Variants in BTBD9 observed in about 807,000 individuals in gnomAD.
BTBD9 encodes the protein BTB domain containing 9.
In BTBD9, 49 loss-of-function variants were observed where a neutral mutation model predicts 64.3. That is an observed-to-expected ratio of 0.76 (90% CI 0.61 to 0.97). The LOEUF (loss-of-function observed/expected upper bound fraction) is 0.97. Ranked by LOEUF, BTBD9 falls within the 50% of genes least tolerant of loss-of-function variation. The pLI is 0.00. For synonymous variants in BTBD9, 260 were observed against 274.7 expected (o/e 0.95, Z 0.53); for missense variants, 598 against 762.1 (o/e 0.78, Z 2.53).
intron 10 of BTBD9, among the ~76,000 whole-genome samples, chr6:38,180,201 CG>C (rs751843824): frequency 1.3e-5 from 2 of 152,086 alleles, no homozygotes; most frequent in Non-Finnish European, 2.9e-5. Flanking sequence ...AATGGGCATT[CG>C]GGGGGGCCTG....
chr6:38,577,187 T>C (rs1189077505), intron 6 of BTBD9, among the ~76,000 whole-genome samples: 1 of 152,208 alleles, frequency 6.6e-6, no homozygotes, highest in Non-Finnish European at 1.5e-5. Flanking sequence ...CCTCTGGCCC[T>C]GGCCATTCCC....
chr6:38,496,710 A>G (rs1005130189), intron 6 of BTBD9, among the ~76,000 whole-genome samples: 3 of 151,760 alleles, frequency 2.0e-5, no homozygotes, highest in African/African-American at 4.8e-5. Flanking sequence ...GGAAAATGAG[A>G]GGGTAAAGGG....
intron 8 of BTBD9, among the ~76,000 whole-genome samples, chr6:38,284,127 C>T (rs1004523904): frequency 7.9e-5 from 12 of 151,862 alleles, no homozygotes; most frequent in Non-Finnish European, 1.5e-4. Context: ...TTCACAGAGA[C>T]GTGTCTCTTT....
intron 6 of BTBD9, among the ~76,000 whole-genome samples, chr6:38,557,882 C>T (rs1229830331): frequency 6.6e-6 from 1 of 152,198 alleles, no homozygotes. Context: ...TTAGAATCCA[C>T]TTTTCTGATT....
chr6:38,529,493 C>T (rs150488768), intron 6 of BTBD9, among the ~76,000 whole-genome samples: 219 of 152,302 alleles, frequency 1.4e-3, no homozygotes, highest in African/African-American at 5.1e-3. Context: ...GCCCAGACTG[C>T]AAAGACTACA....
intron 6 of BTBD9, among the ~76,000 whole-genome samples, chr6:38,416,133 A>G (rs1301784541): frequency 1.3e-5 from 2 of 152,168 alleles, no homozygotes; most frequent in Non-Finnish European, 2.9e-5. Context: ...CTGATTAGCC[A>G]CTGGGAGGTG....
chr6:38,174,741 T>TG lies in BTBD9; in HGVS notation c.*243dup, dbSNP rs550923810. ...GGTAGGGTGTTAATGGTGGACTTGA[T>TG]GAAGATTGAAGACCCATTTTCTCCC... On this transcript the variant is annotated 3_prime_UTR_variant, in exon 11 of 11. Transcript: ENST00000481247. 5.1e-3 allele frequency: 2,721 copies of TG among 532,506 alleles called. 29 individuals carry two copies. Among genetic ancestry groups the TG allele is most frequent in the Middle Eastern group, 0.021 (42 of 2,010 alleles). 33.0% of individuals were successfully genotyped at this position (532,506 alleles called of 1,614,324 possible). A position where few individuals can be genotyped will look rare whatever the true frequency, so the allele number is the denominator to read the frequency against.
At chr6:38,293,011 A>G (rs1728728279) in intron 7 of BTBD9, among the ~76,000 whole-genome samples, 6 of 152,066 alleles carry the variant, frequency 3.9e-5, no homozygotes, top group Admixed American at 3.9e-4. Context: ...AGATTCTGGT[A>G]TGTTGTGTCT....
At chr6:38,567,656 T>C (rs1775582722) in intron 6 of BTBD9, among the ~76,000 whole-genome samples, 2 of 152,174 alleles carry the variant, frequency 1.3e-5, no homozygotes, top group Non-Finnish European at 2.9e-5. Flanking sequence ...CTGCCCAGAT[T>C]TTCTGGCAGC....
chr6:38,486,468 TCAA>T (rs1562251007), intron 6 of BTBD9, among the ~76,000 whole-genome samples: 1 of 152,198 alleles, frequency 6.6e-6, no homozygotes, highest in Non-Finnish European at 1.5e-5. Flanking sequence ...TCCTTTCACT[TCAA>T]CACTTAAAGA....
intron 6 of BTBD9, among the ~76,000 whole-genome samples, chr6:38,497,726 C>A (rs1772017629): frequency 6.6e-6 from 1 of 152,154 alleles, no homozygotes; most frequent in Non-Finnish European, 1.5e-5. Context: ...ACAATAAAAA[C>A]CATTGTATGG....
intron 10 of BTBD9, among the ~76,000 whole-genome samples, chr6:38,183,263 C>T (rs1354429590): frequency 1.3e-5 from 2 of 152,218 alleles, no homozygotes; most frequent in African/African-American, 4.8e-5. Context: ...AGGTGTGAGC[C>T]ACCGCGCCCG....
Position 38,565,697 on chromosome 6 carries a change from C to T in BTBD9, c.1154+11903G>A, listed in dbSNP as rs1257589210. Among the ~76,000 whole-genome samples the T allele has an allele frequency of 2.0e-5, 3 of 152,144 alleles. No homozygotes were observed. The East Asian group carries it at 5.8e-4, about 29-fold the overall frequency. ...TGATAACAATGTGGGAAAATGGAAA[C>T]TATCATTCATGGAGAGGAATAAACG... On this transcript the variant is annotated intron_variant, in intron 6 of 10. Transcript: ENST00000481247.
Position 38,174,963 on chromosome 6 carries a change from C to A in BTBD9, c.*22G>T. The A allele has an allele frequency of 6.2e-7, 1 of 1,612,662 alleles. No homozygotes were observed. The highest frequency in any genetic ancestry group is 8.5e-7 in the Non-Finnish European group (1 of 1,179,778). Reference sequence around the variant, plus strand: ...CTGCCGTTGCCCGAGCCCACCAAGTCACACCAGGCCCGCTGCCTCCTTTAT... The same window carrying A: ...CTGCCGTTGCCCGAGCCCACCAAGTAACACCAGGCCCGCTGCCTCCTTTAT... On this transcript the variant is annotated 3_prime_UTR_variant, in exon 11 of 11. Coordinates refer to ENST00000481247, the MANE Select transcript of BTBD9 (RefSeq NM_001099272.2).
chr6:38,336,380 A>G (rs1055257787), intron 7 of BTBD9, among the ~76,000 whole-genome samples: 2 of 152,064 alleles, frequency 1.3e-5, no homozygotes, highest in Admixed American at 1.3e-4. Context: ...GGTTTAATTG[A>G]CTCATAGTTC....
intron 10 of BTBD9, among the ~76,000 whole-genome samples, chr6:38,186,933 C>T (rs899453724): frequency 6.6e-6 from 1 of 152,178 alleles, no homozygotes; most frequent in Non-Finnish European, 1.5e-5. Context: ...AACTTTCAAA[C>T]CCACGTTTTT....
intron 6 of BTBD9, among the ~76,000 whole-genome samples, chr6:38,425,929 C>CAT (rs1243593428): frequency 1.4e-4 from 17 of 123,608 alleles, no homozygotes; most frequent in Non-Finnish European, 2.5e-4. Context: ...GAAACACATA[C>CAT]ACACACACAC....
intron 6 of BTBD9, among the ~76,000 whole-genome samples, chr6:38,537,290 T>A (rs141245115): frequency 6.6e-6 from 1 of 152,338 alleles, no homozygotes; most frequent in East Asian, 1.9e-4. Context: ...ACAATAGCCA[T>A]ACTCTTAACC....
chr6:38,247,100 A>G (rs1764235108), intron 9 of BTBD9, among the ~76,000 whole-genome samples: 2 of 152,194 alleles, frequency 1.3e-5, no homozygotes, highest in South Asian at 4.1e-4. Flanking sequence ...AAAGCAGGCA[A>G]AAAACAAATA....
Sources: allele counts gnomAD v4.1 joint callset (sites outside exome capture counted in the v4.1 genomes callset), GRCh38; gene constraint gnomAD v4.1.1; transcripts MANE v1.5; gene names NCBI Gene and HGNC (gene_info 2026-07-23, HGNC 2026-07-21).